The following CHRDL1 variants were observed in gnomAD, a reference collection of about 807,000 sequenced individuals.
The protein encoded by CHRDL1 is chordin-like protein 1.
In CHRDL1, 19 loss-of-function variants were observed where a neutral mutation model predicts 40.9. The ratio of observed to expected loss-of-function variants is 0.46; its 90% CI spans 0.32 to 0.68. The LOEUF is 0.68. CHRDL1 is among the 30% of genes least tolerant of loss of function. The pLI is 0.03. For missense variants in CHRDL1, 329 were observed against 352.1 expected, an observed-to-expected ratio of 0.93 and a Z score of 0.53; for synonymous variants, 136 against 123.4, an observed-to-expected ratio of 1.10 and a Z score of -0.68.
chrX:110,777,241 T>C (rs145051006), intron 2 of CHRDL1, among the ~76,000 whole-genome samples: 2,246 of 111,799 alleles, frequency 0.02, 53 homozygotes, highest in African/African-American at 0.068. Flanking sequence ...ATTCATCCAT[T>C]CACCTACTGA....
intron 4 of CHRDL1, among the ~76,000 whole-genome samples, chrX:110,736,670 G>A (rs1442882386): frequency 8.9e-6 from 1 of 111,830 alleles, no homozygotes; most frequent in Non-Finnish European, 1.9e-5. Flanking sequence ...CCTCATCCCT[G>A]ATTGAGAATC....
chrX:110,678,315 GCAGCAA>G (rs1339303351), intron 11 of CHRDL1, among the ~76,000 whole-genome samples: 8 of 111,609 alleles, frequency 7.2e-5, no homozygotes, highest in African/African-American at 2.6e-4. Flanking sequence ...TATGCTATTT[GCAGCAA>G]CTACAGATGC....
At chrX:110,758,603 T>G (rs2089501626) in intron 4 of CHRDL1, among the ~76,000 whole-genome samples, 1 of 111,349 alleles carries the variant, frequency 9.0e-6, no homozygotes, top group South Asian at 3.8e-4. Flanking sequence ...CCAGCCTTAT[T>G]CCTAACATTT....
chrX:110,788,522 T>C (rs1456472603), intron 2 of CHRDL1, among the ~76,000 whole-genome samples: 1 of 111,896 alleles, frequency 8.9e-6, no homozygotes, highest in Non-Finnish European at 1.9e-5. Context: ...CTTCTTTTGG[T>C]AAAATGGTGT....
chrX:110,772,624 G>A (rs904028465), intron 2 of CHRDL1, among the ~76,000 whole-genome samples: 1 of 112,841 alleles, frequency 8.9e-6, no homozygotes, highest in Non-Finnish European at 1.9e-5. Context: ...GAGCGATAGA[G>A]CAAGACTCTG....
At chrX:110,691,591 G>C (rs1367159649) in intron 8 of CHRDL1, among the ~76,000 whole-genome samples, 2 of 111,519 alleles carry the variant, frequency 1.8e-5, no homozygotes, top group East Asian at 5.6e-4. Flanking sequence ...AGTCCCACTT[G>C]ATGCATTTCT....
At chrX:110,752,234 A>T (rs1359490993) in intron 4 of CHRDL1, among the ~76,000 whole-genome samples, 3 of 111,542 alleles carry the variant, frequency 2.7e-5, no homozygotes, top group African/African-American at 9.8e-5. Context: ...CACCCAGCTA[A>T]TTTTTTTGTA....
chrX:110,677,877 T>C (rs2069811360), intron 11 of CHRDL1, among the ~76,000 whole-genome samples: 1 of 111,855 alleles, frequency 8.9e-6, no homozygotes, highest in Admixed American at 9.5e-5. Flanking sequence ...ATGGTATTAC[T>C]ATTCACCCAG....
At chrX:110,740,756 G>C (rs946292962) in intron 4 of CHRDL1, among the ~76,000 whole-genome samples, 1 of 111,910 alleles carries the variant, frequency 8.9e-6, no homozygotes, top group African/African-American at 3.3e-5. Flanking sequence ...AATGTGATAT[G>C]CTTAAGCACT....
chrX:110,773,008 G>T (rs1194324926), intron 2 of CHRDL1, among the ~76,000 whole-genome samples: 1 of 112,337 alleles, frequency 8.9e-6, no homozygotes, highest in Non-Finnish European at 1.9e-5. Flanking sequence ...GTTTAGAAAT[G>T]ACCAATGTCA....
chrX:110,697,839 C>T (rs865814861), intron 7 of CHRDL1, among the ~76,000 whole-genome samples: 1 of 90,492 alleles, frequency 1.1e-5, no homozygotes, highest in Non-Finnish European at 2.0e-5. Context: ...CACACACACA[C>T]ACACACACAC....
intron 2 of CHRDL1, among the ~76,000 whole-genome samples, chrX:110,779,601 G>A (rs2089908193): frequency 9.0e-6 from 1 of 111,146 alleles, no homozygotes; most frequent in Non-Finnish European, 1.9e-5. Flanking sequence ...GATTACCATA[G>A]CTTAATAGTA....
chrX:110,712,443 T>C (rs1012643982), intron 6 of CHRDL1, among the ~76,000 whole-genome samples: 1 of 111,509 alleles, frequency 9.0e-6, no homozygotes, highest in African/African-American at 3.3e-5. Flanking sequence ...GATGTGTGTG[T>C]TGGTGTCAGA....
At chrX:110,730,448 T>TTA (rs2071138025) in intron 4 of CHRDL1, among the ~76,000 whole-genome samples, 1 of 111,617 alleles carries the variant, frequency 9.0e-6, no homozygotes. Context: ...TACTTTGGAC[T>TTA]TATTGAGCAC....
intron 4 of CHRDL1, among the ~76,000 whole-genome samples, chrX:110,748,280 G>A (rs1031831397): frequency 8.9e-6 from 1 of 111,893 alleles, no homozygotes; most frequent in Non-Finnish European, 1.9e-5. Flanking sequence ...GAAAGCAATC[G>A]CAGAAGAGGC....
In CHRDL1 at chrX:110,679,384, T is replaced by C; in HGVS notation, c.1198A>G (p.Met400Val). 8.3e-7 allele frequency: 1 copy of C among 1,209,325 alleles called. No individual in the cohort carries two copies. The highest frequency in any genetic ancestry group is 1.1e-6 in the Non-Finnish European group (1 of 893,253). ...HFHIEKISKR[M>V]FEELPHFKLV... ...TTGAAGTGAGGAAGCTCCTCAAACA[T>C]CCTCTTGGAGATCTTCTCAATATGG... Residue 400 changes from methionine to valine, a missense_variant, in exon 11 of 12, where the codon ATG becomes GTG. Met to Val is a conservative substitution (Grantham distance 21). Coordinates refer to ENST00000372042, the MANE Select transcript of CHRDL1 (RefSeq NM_001143981.2).
At chrX:110,787,109 G>A (rs1322619749) in intron 2 of CHRDL1, among the ~76,000 whole-genome samples, 2 of 111,547 alleles carry the variant, frequency 1.8e-5, no homozygotes. Flanking sequence ...TAAAATTAAG[G>A]GGATAATATC....
At chrX:110,696,606 T>C (rs188979457) in intron 7 of CHRDL1, among the ~76,000 whole-genome samples, 270 of 111,500 alleles carry the variant, frequency 2.4e-3, no homozygotes, top group Non-Finnish European at 3.8e-3. Context: ...GACTAAAAGC[T>C]GGTGCAAAGA....
At chrX:110,719,728 C>T in intron 6 of CHRDL1, 107 bp downstream of exon 6, 1 of 387,139 alleles carries the variant, frequency 2.6e-6, no homozygotes, top group Non-Finnish European at 4.5e-6. Context: ...CTAAGGCTAC[C>T]ATAAAAATTA....
Sources: gnomAD v4.1 joint callset for allele counts (sites outside exome capture counted in the v4.1 genomes callset) on GRCh38, gnomAD v4.1.1 for gene constraint, MANE v1.5 for transcripts, NCBI Gene and HGNC (gene_info 2026-07-23, HGNC 2026-07-21) for gene names.